COL4A6: variants seen among roughly 807,000 people sequenced by gnomAD.
The protein encoded by COL4A6 is collagen alpha-6(IV) chain.
COL4A6 carries 59 observed loss-of-function variants against 126.7 expected under a neutral mutation model. The observed-to-expected ratio is 0.47, with a 90% CI of 0.38 to 0.58. The LOEUF (loss-of-function observed/expected upper bound fraction) is 0.58, where lower values mean the gene tolerates loss of function less well. COL4A6 is among the 20% of genes least tolerant of loss of function. The pLI is 0.00. For missense variants in COL4A6, 1,285 were observed against 1,337.3 expected, an observed-to-expected ratio of 0.96 and a Z score of 0.61; for synonymous variants, 547 against 496.6, an observed-to-expected ratio of 1.10 and a Z score of -1.35.
At chrX:108,338,636 G>T (rs1342572077) in intron 2 of COL4A6, among the ~76,000 whole-genome samples, 2 of 111,681 alleles carry the variant, frequency 1.8e-5, no homozygotes, top group African/African-American at 3.2e-5. Flanking sequence ...AGAATGGTTT[G>T]TTCGCCCCTT....
At chrX:108,271,787 CT>C (rs1261212227) in intron 3 of COL4A6, among the ~76,000 whole-genome samples, 87 of 112,153 alleles carry the variant, frequency 7.8e-4, no homozygotes, top group African/African-American at 2.6e-3. Flanking sequence ...AGGAAGTTCT[CT>C]CTTTTACAGT....
chrX:108,235,679 G>A (rs921018159), intron 3 of COL4A6, among the ~76,000 whole-genome samples: 32 of 111,241 alleles, frequency 2.9e-4, no homozygotes, highest in African/African-American at 9.5e-4. Flanking sequence ...CTTTCACACC[G>A]TCATCTACTT....
intron 2 of COL4A6, among the ~76,000 whole-genome samples, chrX:108,367,735 G>GA (rs2040236169): frequency 9.0e-6 from 1 of 111,199 alleles, no homozygotes; most frequent in African/African-American, 3.3e-5. Flanking sequence ...CCTTCAGATT[G>GA]AAAAAATACT....
chrX:108,206,104 G>A (rs980972906), intron 9 of COL4A6, among the ~76,000 whole-genome samples: 7 of 111,543 alleles, frequency 6.3e-5, no homozygotes, highest in African/African-American at 2.3e-4. Context: ...TCAGAAAAAT[G>A]GGTAGGTAGG....
chrX:108,199,225 C>T (rs2035314699), intron 13 of COL4A6, among the ~76,000 whole-genome samples: 1 of 109,752 alleles, frequency 9.1e-6, no homozygotes, highest in African/African-American at 3.3e-5. Flanking sequence ...TTTCTGTCTT[C>T]AGTGCTGCCT....
At chrX:108,202,214 C>G (rs1320534875) in intron 13 of COL4A6, among the ~76,000 whole-genome samples, 1 of 111,853 alleles carries the variant, frequency 8.9e-6, no homozygotes, top group African/African-American at 3.3e-5. Flanking sequence ...ATCCACATTT[C>G]ATCACTTTAC....
At chrX:108,410,508 T>A (rs2041304629) in intron 2 of COL4A6, among the ~76,000 whole-genome samples, 1 of 111,411 alleles carries the variant, frequency 9.0e-6, no homozygotes, top group South Asian at 3.8e-4. Context: ...AATAAGCACA[T>A]ATTAATAACA....
intron 2 of COL4A6, among the ~76,000 whole-genome samples, chrX:108,359,295 G>A (rs1331319942): frequency 8.9e-6 from 1 of 112,186 alleles, no homozygotes; most frequent in Non-Finnish European, 1.9e-5. Flanking sequence ...GTAAATTACC[G>A]AAGGCCACAC....
chrX:108,354,262 C>T (rs1327446116), intron 2 of COL4A6, among the ~76,000 whole-genome samples: 1 of 111,748 alleles, frequency 8.9e-6, no homozygotes, highest in Non-Finnish European at 1.9e-5. Context: ...GGTTAAGGTG[C>T]TGCACCGGAT....
chrX:108,304,940 GC>G lies in COL4A6; in HGVS notation c.144+5807del, dbSNP rs761146438. Among the ~76,000 whole-genome samples the G allele has an allele frequency of 3.6e-5, 4 of 112,372 alleles. No homozygotes were observed. The East Asian group carries it at 1.1e-3, about 31-fold the overall frequency. ...GCTAATCCTGGATGTGGAGAGTAGG[GC>G]TAGAACCACACCTATGCAAAATTGC... is the stretch of plus-strand genomic sequence containing the variant. On this transcript the variant is annotated intron_variant, in intron 3 of 44. Coordinates refer to ENST00000334504, the MANE Select transcript of COL4A6 (RefSeq NM_033641.4).
intron 3 of COL4A6, among the ~76,000 whole-genome samples, chrX:108,259,082 C>T (rs2037085939): frequency 9.0e-6 from 1 of 111,607 alleles, no homozygotes; most frequent in African/African-American, 3.3e-5. Context: ...GAGAACAACA[C>T]ATTAACAGAG....
intron 44 of COL4A6, among the ~76,000 whole-genome samples, chrX:108,158,335 G>T (rs911461425): frequency 8.9e-6 from 1 of 112,806 alleles, no homozygotes; most frequent in Non-Finnish European, 1.9e-5. Context: ...ATGTCTCATT[G>T]CTTCAAGATG....
intron 3 of COL4A6, among the ~76,000 whole-genome samples, chrX:108,263,785 A>G (rs949326452): frequency 9.0e-6 from 1 of 111,727 alleles, no homozygotes; most frequent in Non-Finnish European, 1.9e-5. Context: ...ATATTTTTAA[A>G]TAGCTCTCAG....
At chrX:108,399,147 C>T (rs182122824) in intron 2 of COL4A6, among the ~76,000 whole-genome samples, 2 of 111,176 alleles carry the variant, frequency 1.8e-5, no homozygotes, top group East Asian at 2.8e-4. Flanking sequence ...CTGCTGGGTA[C>T]AGAAGGGGAG....
chrX:108,171,193 A>G (rs982313709), intron 33 of COL4A6, among the ~76,000 whole-genome samples, 194 bp downstream of exon 33: 11 of 112,339 alleles, frequency 9.8e-5, no homozygotes, highest in Non-Finnish European at 2.1e-4. Context: ...GATGTAGGCC[A>G]TTATCCCAAA....
At chrX:108,203,722 T>A (rs1352981300) in intron 12 of COL4A6, among the ~76,000 whole-genome samples, 8 of 112,413 alleles carry the variant, frequency 7.1e-5, no homozygotes, top group Admixed American at 3.7e-4. Context: ...ATTACAACCA[T>A]GTAGGTAGTA....
chrX:108,237,599 T>C (rs1848907786), intron 3 of COL4A6, among the ~76,000 whole-genome samples: 1 of 111,937 alleles, frequency 8.9e-6, no homozygotes, highest in South Asian at 3.7e-4. Flanking sequence ...AGTTGATGTC[T>C]CCCTTCCAAA....
intron 2 of COL4A6, among the ~76,000 whole-genome samples, chrX:108,324,014 A>G (rs760807492): frequency 8.9e-6 from 1 of 112,538 alleles, no homozygotes; most frequent in East Asian, 2.8e-4. Flanking sequence ...GGCTTGGCAC[A>G]GAGCCTGTCT....
intron 35 of COL4A6, among the ~76,000 whole-genome samples, chrX:108,170,299 C>T (rs749206838): frequency 1.8e-5 from 2 of 112,193 alleles, no homozygotes; most frequent in South Asian, 7.5e-4. Flanking sequence ...ATGTCAAGAC[C>T]TTGAGTTGTC....
Sources: gnomAD v4.1 joint callset for allele counts (sites outside exome capture counted in the v4.1 genomes callset) on GRCh38, gnomAD v4.1.1 for gene constraint, MANE v1.5 for transcripts, NCBI Gene and HGNC (gene_info 2026-07-23, HGNC 2026-07-21) for gene names.